KDM4C: variants seen among roughly 807,000 people sequenced by gnomAD.
KDM4C encodes the protein lysine-specific demethylase 4C.
Under a neutral mutation model 129.3 loss-of-function variants are expected in KDM4C, and 81 were observed. The observed-to-expected ratio is 0.63, with a 90% CI of 0.52 to 0.75. The LOEUF is 0.75. Ranked by LOEUF, KDM4C falls within the 30% of genes least tolerant of loss-of-function variation. The probability of loss-of-function intolerance (pLI) is 0.00; values close to 1 mark genes in which losing one functional copy is unlikely to be tolerated. For synonymous variants in KDM4C, 573 were observed against 456.1 expected (o/e 1.26, Z -3.26); for missense variants, 1,457 against 1,304.0 (o/e 1.12, Z -1.81).
At chr9:7,047,021 A>T in intron 16 of KDM4C, 104 bp downstream of exon 16, 1 of 793,670 alleles carries the variant, frequency 1.3e-6, no homozygotes, top group Non-Finnish European at 2.1e-6. Context: ...CGTGGTTTCA[A>T]AGCTTTTGCT....
intron 15 of KDM4C, among the ~76,000 whole-genome samples, chr9:7,034,716 T>A (rs1450047914): frequency 6.6e-6 from 1 of 152,226 alleles, no homozygotes; most frequent in Non-Finnish European, 1.5e-5. Flanking sequence ...CTGTATCATG[T>A]GGTAGTTCTA....
chr9:7,068,592 C>G (rs531883199), intron 17 of KDM4C, among the ~76,000 whole-genome samples: 1 of 151,732 alleles, frequency 6.6e-6, no homozygotes, highest in African/African-American at 2.4e-5. Context: ...CCTGACAGTT[C>G]CATGTTGTGT....
chr9:7,100,004 C>T (rs1034839510), intron 17 of KDM4C, among the ~76,000 whole-genome samples: 14 of 151,960 alleles, frequency 9.2e-5, no homozygotes, highest in African/African-American at 3.4e-4. Flanking sequence ...TTTTCTACTT[C>T]CCTCTCTAGC....
At chr9:7,145,586 T>G (rs1468548522) in intron 19 of KDM4C, among the ~76,000 whole-genome samples, 4 of 152,240 alleles carry the variant, frequency 2.6e-5, no homozygotes, top group Non-Finnish European at 4.4e-5. Flanking sequence ...AGATCCATTC[T>G]GGAACGCTGC....
chr9:7,114,269 A>G (rs1838655120), intron 18 of KDM4C, among the ~76,000 whole-genome samples: 1 of 152,124 alleles, frequency 6.6e-6, no homozygotes, highest in South Asian at 2.1e-4. Context: ...TATTCTGGAA[A>G]TAGCTGACAT....
At chr9:7,167,824 A>G (rs1442780196) in intron 20 of KDM4C, among the ~76,000 whole-genome samples, 1 of 152,106 alleles carries the variant, frequency 6.6e-6, no homozygotes, top group East Asian at 1.9e-4. Context: ...ATTATCATCC[A>G]CTCAAGAGAG....
chr9:6,756,967 T>C (rs1323636329), upstream of KDM4C, among the ~76,000 whole-genome samples: 1 of 152,208 alleles, frequency 6.6e-6, no homozygotes, highest in Non-Finnish European at 1.5e-5. Flanking sequence ...TGTGAAGATA[T>C]GCCCAATCTT....
chr9:7,079,607 C>T (rs1834303327), intron 17 of KDM4C, among the ~76,000 whole-genome samples: 1 of 152,210 alleles, frequency 6.6e-6, no homozygotes, highest in Non-Finnish European at 1.5e-5. Context: ...GAGGCGTGAG[C>T]CACGGCACCC....
intron 1 of KDM4C, chr9:6,721,174 G>T: frequency 2.2e-6 from 1 of 464,704 alleles, no homozygotes. Flanking sequence ...CCCAGGCTCA[G>T]GTGATTCTCC....
At chr9:7,049,226 C>G (rs775870547) in intron 17 of KDM4C, 26 bp downstream of exon 17, 4 of 1,242,878 alleles carry the variant, frequency 3.2e-6, no homozygotes, top group East Asian at 4.8e-5. Flanking sequence ...TCTTTTTTAC[C>G]TCATAAATTA....
chr9:6,801,111 T>G (rs1828865184), intron 2 of KDM4C, among the ~76,000 whole-genome samples: 1 of 152,122 alleles, frequency 6.6e-6, no homozygotes, highest in Non-Finnish European at 1.5e-5. Context: ...TGACCCCAAG[T>G]TTCTTTATCT....
chr9:6,866,624 C>G (rs945542835), intron 5 of KDM4C, among the ~76,000 whole-genome samples: 2 of 152,024 alleles, frequency 1.3e-5, no homozygotes, highest in Non-Finnish European at 2.9e-5. Flanking sequence ...GTGCTTCCTA[C>G]AGATTGAAGA....
At chr9:6,993,621 A>G (rs1467423733) in intron 12 of KDM4C, among the ~76,000 whole-genome samples, 1 of 152,124 alleles carries the variant, frequency 6.6e-6, no homozygotes, top group Non-Finnish European at 1.5e-5. Flanking sequence ...ATGTGTATGA[A>G]GTGCATGGGT....
At chr9:6,831,451 T>C (rs1588564411) in intron 4 of KDM4C, among the ~76,000 whole-genome samples, 1 of 152,154 alleles carries the variant, frequency 6.6e-6, no homozygotes, top group Non-Finnish European at 1.5e-5. Flanking sequence ...CAAGTAATTC[T>C]CCTGCCATAG....
chr9:7,008,810 C>T (rs141657609), intron 12 of KDM4C, among the ~76,000 whole-genome samples: 38 of 152,272 alleles, frequency 2.5e-4, no homozygotes, highest in African/African-American at 7.2e-4. Context: ...GACACAAGGC[C>T]GGAGGATTCC....
intron 1 of KDM4C, among the ~76,000 whole-genome samples, chr9:6,739,457 T>C (rs560954942): frequency 1.3e-5 from 2 of 152,092 alleles, no homozygotes; most frequent in East Asian, 3.8e-4. Flanking sequence ...GACAAATCAC[T>C]GGACACAATC....
intron 15 of KDM4C, among the ~76,000 whole-genome samples, chr9:7,035,968 A>T (rs747629406): frequency 1.3e-5 from 2 of 151,884 alleles, no homozygotes; most frequent in Non-Finnish European, 2.9e-5. Context: ...GCTATTTGGG[A>T]TCATTTGTGG....
At chr9:7,075,214 T>C (rs1414892760) in intron 17 of KDM4C, among the ~76,000 whole-genome samples, 3 of 152,180 alleles carry the variant, frequency 2.0e-5, no homozygotes, top group Non-Finnish European at 4.4e-5. Context: ...TCTTTACATG[T>C]AGTAAAATGA....
At chr9:6,757,841 G>A, upstream of KDM4C, 7 of 985,610 alleles carry the variant, frequency 7.1e-6, no homozygotes, top group South Asian at 9.4e-5. Context: ...GCAAGCCTAA[G>A]TTAACCACAG....
Sources: gnomAD v4.1 joint callset for allele counts (sites outside exome capture counted in the v4.1 genomes callset) on GRCh38, gnomAD v4.1.1 for gene constraint, MANE v1.5 for transcripts, NCBI Gene and HGNC (gene_info 2026-07-23, HGNC 2026-07-21) for gene names.